The following EXPH5 variants were observed in gnomAD, a reference collection of about 807,000 sequenced individuals.
EXPH5 encodes exophilin 5, also known as exophilin-5.
A neutral mutation model predicts 41.1 loss-of-function variants in EXPH5; 42 were observed. That is an observed-to-expected ratio of 1.02 (90% CI 0.80 to 1.32). EXPH5 has a LOEUF of 1.32. Among genes scored for constraint, EXPH5 ranks in the 40% most tolerant of loss-of-function variants. EXPH5 has a pLI of 0.00. For synonymous variants in EXPH5, 798 were observed against 833.5 expected (o/e 0.96, Z 0.73); for missense variants, 2,298 against 2,314.5 (o/e 0.99, Z 0.15).
Position 108,513,174 on chromosome 11 carries a change from G to A in EXPH5, c.2333C>T (p.Thr778Ile). 1.2e-6 allele frequency: 2 copies of A among 1,613,996 alleles called. No individual in the cohort carries two copies. The highest frequency in any genetic ancestry group is 1.7e-6 in the Non-Finnish European group (2 of 1,179,980). ...TGTGTGCGGTATATACATTTTGGAG[G>A]TATCTTTCCTGGAAAAGACTCTGGG... is the stretch of plus-strand genomic sequence containing the variant. ...KSPRVFSRKD[T>I]SKMYIPHTDK... The change falls in exon 6 of 6, where the codon ACC (threonine) becomes ATC (isoleucine). Residue 778 changes from threonine (T) to isoleucine (I), a missense_variant. Thr to Ile is a moderately conservative substitution (Grantham distance 89, BLOSUM62 -1). Coordinates refer to ENST00000265843, the MANE Select transcript of EXPH5 (RefSeq NM_015065.3).
At position 108,511,138 on chromosome 11, in the gene EXPH5, T is replaced by C; in HGVS notation, c.4369A>G (p.Thr1457Ala). 1 of 1,613,838 alleles carries C rather than the reference T, an allele frequency of 6.2e-7. No individual in the cohort carries two copies. Among genetic ancestry groups the C allele is most frequent in the Non-Finnish European group, 8.5e-7 (1 of 1,179,880 alleles). ...TTCTGGGGACACTTGCCACTTCCAG[T>C]AAATGGAATGGCTCTACCACTCCCT... The part of the protein sequence containing the change: ...CTGSGRAIPF[T>A]GSGKCPQKDH... The change falls in exon 6 of 6, where the codon ACT (threonine) becomes GCT (alanine). Residue 1457 changes from threonine to alanine, a missense_variant. Transcript: ENST00000265843.
At chr11:108,575,072 A>C (rs1020402641) in intron 1 of EXPH5, among the ~76,000 whole-genome samples, 4 of 152,246 alleles carry the variant, frequency 2.6e-5, no homozygotes, top group African/African-American at 9.6e-5. Flanking sequence ...AGCTTTCTGG[A>C]TACAGATCCT....
chr11:108,514,102 T>C lies in EXPH5; in HGVS notation c.1405A>G (p.Ser469Gly). ...RSFFSNTFGR[S>G]GEQRRFGQGP... ...TGTCCAAATCTCCTCTGTTCTCCGC[T>C]TCGTCCAAAGGTATTGCTGAAGAAA... Residue 469 changes from serine (S) to glycine (G), a missense_variant, in exon 6 of 6, where the codon AGC becomes GGC. Physicochemically the swap from Ser to Gly is moderately conservative, Grantham distance 56. Transcript: ENST00000265843. 6.2e-7 allele frequency: 1 copy of C among 1,613,804 alleles called. No homozygotes were observed. The highest frequency in any genetic ancestry group is 8.5e-7 in the Non-Finnish European group (1 of 1,179,886).
chr11:108,509,822 T>C lies in EXPH5; in HGVS notation c.5685A>G (p.Leu1895=), dbSNP rs1459063775. The change falls in exon 6 of 6, where the codon TTA becomes TTG. Residue 1895 remains leucine (L), a synonymous_variant. Coordinates refer to ENST00000265843, the MANE Select transcript of EXPH5 (RefSeq NM_015065.3). The part of the protein sequence containing the change: ...DYGIFGKEQQ[L]AFLENVKRSL... The stretch of plus-strand genomic sequence containing the variant: ...ACCTCTTTACATTTTCTAAGAAAGC[T>C]AACTGTTGTTCTTTCCCAAAGATCC... 1 of 1,613,564 alleles carries C rather than the reference T, an allele frequency of 6.2e-7. No homozygotes were observed. Among genetic ancestry groups the C allele is most frequent in the African/African-American group, 1.3e-5 (1 of 74,894 alleles).
chr11:108,539,689 T>C (rs2093901623), intron 2 of EXPH5, among the ~76,000 whole-genome samples: 1 of 152,202 alleles, frequency 6.6e-6, no homozygotes, highest in Non-Finnish European at 1.5e-5. Context: ...GGTTTACATA[T>C]GTGTTTGCAT....
chr11:108,507,039 G>A lies in EXPH5; in HGVS notation c.*2498C>T, dbSNP rs913635605. On this transcript the variant is annotated 3_prime_UTR_variant, in exon 6 of 6. Transcript: ENST00000265843. ...TAATAATCAGATAAATAGAAAAAGA[G>A]GAAAGGCAGAATTTACAAACATATA... is the stretch of plus-strand genomic sequence containing the variant. The A allele has an allele frequency of 1.3e-5, 2 of 151,862 alleles. No homozygotes were observed. The highest frequency in any genetic ancestry group is 2.9e-5 in the Non-Finnish European group (2 of 67,972). The allele number at this position is 151,862 out of a possible 1,614,324, so 9.4% of individuals were successfully genotyped here.
intron 5 of EXPH5, among the ~76,000 whole-genome samples, chr11:108,516,953 T>A (rs934845507): frequency 1.3e-5 from 2 of 152,212 alleles, no homozygotes; most frequent in African/African-American, 4.8e-5. Context: ...TAAAACAAAT[T>A]ATAATGAAAA....
At chr11:108,523,593 T>C (rs2093779191) in intron 4 of EXPH5, among the ~76,000 whole-genome samples, 1 of 152,200 alleles carries the variant, frequency 6.6e-6, no homozygotes, top group Non-Finnish European at 1.5e-5. Flanking sequence ...TATATAAGGC[T>C]GTGTGTGGTG....
intron 1 of EXPH5, among the ~76,000 whole-genome samples, chr11:108,572,281 G>A (rs1321386423): frequency 6.6e-6 from 1 of 152,184 alleles, no homozygotes; most frequent in Non-Finnish European, 1.5e-5. Context: ...CGGGGCAGAA[G>A]AACCCTTTGA....
At chr11:108,530,028 T>G (rs1366293015) in intron 3 of EXPH5, among the ~76,000 whole-genome samples, 1 of 152,098 alleles carries the variant, frequency 6.6e-6, no homozygotes, top group African/African-American at 2.4e-5. Flanking sequence ...GCTTCATGGT[T>G]CATAAAAGTT....
At chr11:108,540,022 A>C (rs967589425) in intron 2 of EXPH5, among the ~76,000 whole-genome samples, 7 of 152,142 alleles carry the variant, frequency 4.6e-5, no homozygotes, top group Admixed American at 4.6e-4. Flanking sequence ...AACATATACA[A>C]AATCCATAAT....
chr11:108,543,086 G>T (rs1252571336), intron 1 of EXPH5, among the ~76,000 whole-genome samples: 1 of 152,130 alleles, frequency 6.6e-6, no homozygotes, highest in African/African-American at 2.4e-5. Context: ...AGTGAGCCCA[G>T]GTCTAATGCA....
At chr11:108,577,643 G>A (rs192585918) in intron 1 of EXPH5, among the ~76,000 whole-genome samples, 3,150 of 152,122 alleles carry the variant, frequency 0.021, 98 homozygotes, top group African/African-American at 0.07. Context: ...GGCTGATCTC[G>A]AACTCCTGAC....
Position 108,514,422 on chromosome 11 carries a change from C to G in EXPH5, c.1085G>C (p.Ser362Thr), listed in dbSNP as rs756860433. The change falls in exon 6 of 6, where the codon AGT becomes ACT. Residue 362 changes from serine to threonine, a missense_variant. Ser to Thr is a moderately conservative substitution (Grantham distance 58). Coordinates refer to ENST00000265843, the MANE Select transcript of EXPH5 (RefSeq NM_015065.3). ...GGATGATAAAGGAGTTCTCTTTGGA[C>G]TCTGCTGGTGCCTTGGTGGTATAAA... ...SGFIPPRHQQSPKRTPLSSII... is the reference protein window; with the variant it reads ...SGFIPPRHQQTPKRTPLSSII... The G allele has an allele frequency of 2.5e-6, 4 of 1,614,004 alleles. No homozygotes were observed. The highest frequency in any genetic ancestry group is 3.4e-6 in the Non-Finnish European group (4 of 1,180,026).
At chr11:108,568,660 TCA>T (rs1029409677) in intron 1 of EXPH5, among the ~76,000 whole-genome samples, 3 of 152,114 alleles carry the variant, frequency 2.0e-5, no homozygotes, top group African/African-American at 7.2e-5. Flanking sequence ...TACCCTGGAA[TCA>T]CAAAGTATAG....
chr11:108,569,280 G>A (rs1297954826), intron 1 of EXPH5, among the ~76,000 whole-genome samples: 3 of 151,942 alleles, frequency 2.0e-5, no homozygotes, highest in Non-Finnish European at 4.4e-5. Flanking sequence ...GCGGCCCTCT[G>A]TGTGACTATC....
At chr11:108,574,200 C>T (rs1011555760) in intron 1 of EXPH5, among the ~76,000 whole-genome samples, 1 of 151,862 alleles carries the variant, frequency 6.6e-6, no homozygotes, top group South Asian at 2.1e-4. Context: ...TGAGCCACCG[C>T]GCCCAACCTA....
intron 4 of EXPH5, among the ~76,000 whole-genome samples, chr11:108,526,372 G>A (rs1191396160): frequency 6.6e-6 from 1 of 152,226 alleles, no homozygotes; most frequent in Non-Finnish European, 1.5e-5. Context: ...GTCAAAGTAA[G>A]ATGTCTATTA....
chr11:108,524,938 A>T (rs889986613), intron 4 of EXPH5, among the ~76,000 whole-genome samples: 2 of 152,114 alleles, frequency 1.3e-5, no homozygotes, highest in African/African-American at 4.8e-5. Context: ...CTCATCTTGA[A>T]CTGTAGCTCC....
Sources: gnomAD v4.1 joint callset for allele counts (sites outside exome capture counted in the v4.1 genomes callset) on GRCh38, gnomAD v4.1.1 for gene constraint, MANE v1.5 for transcripts, NCBI Gene and HGNC (gene_info 2026-07-23, HGNC 2026-07-21) for gene names.